ELMO1: variants seen among roughly 807,000 people sequenced by gnomAD.
ELMO1 encodes the protein engulfment and cell motility 1.
ELMO1 carries 26 observed loss-of-function variants against 98.9 expected under a neutral mutation model. The ratio of observed to expected loss-of-function variants is 0.26; its 90% CI spans 0.19 to 0.36. ELMO1 has a LOEUF of 0.36. Among genes scored for constraint, ELMO1 ranks in the 10% least tolerant of loss-of-function variants. The pLI is 1.00. For synonymous variants in ELMO1, 346 were observed against 346.0 expected, an observed-to-expected ratio of 1.00 and a Z score of 0.00; for missense variants, 627 against 935.2, an observed-to-expected ratio of 0.67 and a Z score of 4.30.
chr7:36,858,841 G>A (rs1438489270), intron 21 of ELMO1, among the ~76,000 whole-genome samples: 1 of 152,190 alleles, frequency 6.6e-6, no homozygotes, highest in Non-Finnish European at 1.5e-5. Flanking sequence ...AGAGCCTCCA[G>A]AAAGGAACAC....
At chr7:36,984,497 A>T (rs892815198) in intron 16 of ELMO1, among the ~76,000 whole-genome samples, 2 of 152,224 alleles carry the variant, frequency 1.3e-5, no homozygotes, top group African/African-American at 4.8e-5. Context: ...TCTATAGGCG[A>T]AAGCTTTCTA....
At chr7:36,939,208 G>A (rs892872821) in intron 16 of ELMO1, among the ~76,000 whole-genome samples, 1 of 149,098 alleles carries the variant, frequency 6.7e-6, no homozygotes, top group African/African-American at 2.6e-5. Flanking sequence ...GCATACAAAG[G>A]CCAAAGACTT....
chr7:37,103,423 A>G (rs763590770), intron 14 of ELMO1, among the ~76,000 whole-genome samples: 15 of 151,082 alleles, frequency 9.9e-5, no homozygotes, highest in Non-Finnish European at 2.1e-4. Context: ...GCAAGGACAA[A>G]AAACCAAACA....
chr7:37,301,517 G>T (rs1027465668), intron 4 of ELMO1, among the ~76,000 whole-genome samples: 2 of 151,986 alleles, frequency 1.3e-5, no homozygotes, highest in Admixed American at 6.6e-5. Flanking sequence ...CTTGACTTAC[G>T]CCATTCCCAG....
chr7:37,005,808 C>T (rs1793080117), intron 16 of ELMO1, among the ~76,000 whole-genome samples: 1 of 151,792 alleles, frequency 6.6e-6, no homozygotes, highest in South Asian at 2.1e-4. Flanking sequence ...CATGAGCATC[C>T]TTTTCCTTTT....
intron 16 of ELMO1, among the ~76,000 whole-genome samples, chr7:36,958,426 C>T (rs1349183381): frequency 2.0e-5 from 3 of 152,184 alleles, no homozygotes; most frequent in African/African-American, 7.2e-5. Context: ...CAACTATGTA[C>T]AGCTTCTCCT....
intron 1 of ELMO1, among the ~76,000 whole-genome samples, chr7:37,418,828 G>T (rs1046861745): frequency 6.6e-6 from 1 of 152,206 alleles, no homozygotes; most frequent in Non-Finnish European, 1.5e-5. Flanking sequence ...TGCAGCTTCT[G>T]CAGTGAAGGG....
intron 1 of ELMO1, among the ~76,000 whole-genome samples, chr7:37,391,997 G>A (rs939764097): frequency 6.6e-6 from 1 of 152,196 alleles, no homozygotes; most frequent in Non-Finnish European, 1.5e-5. Context: ...TTTGCACCCA[G>A]AAATTGAAGA....
At chr7:37,073,796 C>A (rs1797412557) in intron 15 of ELMO1, among the ~76,000 whole-genome samples, 1 of 151,834 alleles carries the variant, frequency 6.6e-6, no homozygotes, top group African/African-American at 2.4e-5. Context: ...CTGTGTTGCC[C>A]AGACTTGTCT....
intron 16 of ELMO1, among the ~76,000 whole-genome samples, chr7:37,002,410 C>T (rs1026914973): frequency 6.6e-6 from 1 of 152,218 alleles, no homozygotes; most frequent in Non-Finnish European, 1.5e-5. Flanking sequence ...GAACTGTGAC[C>T]AGCCATTCAA....
chr7:37,361,500 A>G (rs1349169709), intron 1 of ELMO1, among the ~76,000 whole-genome samples: 1 of 152,268 alleles, frequency 6.6e-6, no homozygotes. Context: ...CTGAGTAGGT[A>G]GATCCTACAA....
intron 6 of ELMO1, among the ~76,000 whole-genome samples, chr7:37,245,213 G>C (rs1708347565): frequency 6.6e-6 from 1 of 152,112 alleles, no homozygotes; most frequent in African/African-American, 2.4e-5. Context: ...CTCTTCCTCA[G>C]ACAGCATAGA....
At chr7:36,856,140 C>T (rs1247953520) in intron 21 of ELMO1, among the ~76,000 whole-genome samples, 1 of 152,168 alleles carries the variant, frequency 6.6e-6, no homozygotes, top group Non-Finnish European at 1.5e-5. Context: ...TGGAATCTAC[C>T]GAACAGCCCT....
chr7:37,182,077 C>T (rs922668891), intron 13 of ELMO1, among the ~76,000 whole-genome samples: 4 of 152,020 alleles, frequency 2.6e-5, no homozygotes, highest in African/African-American at 9.7e-5. Flanking sequence ...TTGGATCAGG[C>T]TTGGAAGGTA....
chr7:37,201,639 T>A (rs1304316940), intron 13 of ELMO1, among the ~76,000 whole-genome samples: 2 of 151,982 alleles, frequency 1.3e-5, no homozygotes, highest in African/African-American at 4.8e-5. Flanking sequence ...TCTTGGCCTT[T>A]AAACTTTAAA....
At chr7:37,070,586 C>T (rs531430612) in intron 15 of ELMO1, among the ~76,000 whole-genome samples, 2 of 152,272 alleles carry the variant, frequency 1.3e-5, no homozygotes, top group African/African-American at 2.4e-5. Context: ...AGCAAATACA[C>T]GGGTTTCCAG....
At chr7:37,341,943 T>C (rs2717950) in intron 2 of ELMO1, among the ~76,000 whole-genome samples, 70,466 of 152,020 alleles carry the variant, frequency 0.46, 17,130 homozygotes, top group Non-Finnish European at 0.56. Context: ...TATAATCAAA[T>C]AGTGCATGAG....
At chr7:37,050,609 A>AACACACACACACACAC (rs60918785) in intron 15 of ELMO1, among the ~76,000 whole-genome samples, 14 of 129,606 alleles carry the variant, frequency 1.1e-4, no homozygotes, top group East Asian at 6.9e-4. Flanking sequence ...AGGTGCTCTG[A>AACACACACACACACAC]ACACACACAC....
At chr7:37,105,295 A>G (rs1784883413) in intron 14 of ELMO1, among the ~76,000 whole-genome samples, 1 of 152,206 alleles carries the variant, frequency 6.6e-6, no homozygotes, top group Non-Finnish European at 1.5e-5. Context: ...TACTGAGGGA[A>G]GCCAAGCTCT....
Sources: gnomAD v4.1 joint callset for allele counts (sites outside exome capture counted in the v4.1 genomes callset) on GRCh38, gnomAD v4.1.1 for gene constraint, MANE v1.5 for transcripts, NCBI Gene and HGNC (gene_info 2026-07-23, HGNC 2026-07-21) for gene names.